The following CNTNAP4 variants were observed in gnomAD, a reference collection of about 807,000 sequenced individuals.
The protein encoded by CNTNAP4 is contactin associated protein family member 4.
A neutral mutation model predicts 148.4 loss-of-function variants in CNTNAP4; 98 were observed. The ratio of observed to expected loss-of-function variants is 0.66; its 90% confidence interval spans 0.56 to 0.78. The LOEUF is 0.78. CNTNAP4 is among the 30% of genes least tolerant of loss of function. The pLI is 0.00. For synonymous variants in CNTNAP4, 730 were observed against 565.1 expected, an observed-to-expected ratio of 1.29 and a Z score of -4.14; for missense variants, 1,935 against 1,565.6, an observed-to-expected ratio of 1.24 and a Z score of -3.98.
At chr16:76,304,784 T>C (rs1013018025) in intron 1 of CNTNAP4, among the ~76,000 whole-genome samples, 2 of 152,178 alleles carry the variant, frequency 1.3e-5, no homozygotes, top group African/African-American at 4.8e-5. Context: ...TGTTTGGTTC[T>C]GCAATTACAG....
rs367908885 is a variant in CNTNAP4, at chr16:76,355,487, A to G, written c.366A>G (p.Gln122=). Reference sequence around the variant, plus strand: ...GTGATAGTGGCTGGAACTGGAAACAATATCGCCAAGAGGACAGCATCTGGG... The same window carrying G: ...GTGATAGTGGCTGGAACTGGAAACAGTATCGCCAAGAGGACAGCATCTGGG... ...MFSDSGWNWK[Q]YRQEDSIWGF... is the part of the protein sequence containing the mutation. Residue 122 remains glutamine (Q), a synonymous_variant, in exon 3 of 24, where the codon CAA becomes CAG. Coordinates refer to ENST00000611870, the MANE Select transcript of CNTNAP4 (RefSeq NM_033401.5). 5.1e-5 allele frequency: 82 copies of G among 1,609,650 alleles called. No homozygotes were observed. Among genetic ancestry groups the G allele is most frequent in the South Asian group, 4.3e-4 (39 of 90,360 alleles).
At chr16:76,389,049 T>C (rs2016739706) in intron 3 of CNTNAP4, among the ~76,000 whole-genome samples, 2 of 152,230 alleles carry the variant, frequency 1.3e-5, no homozygotes, top group Non-Finnish European at 2.9e-5. Context: ...GTCATTATAA[T>C]ATAAAGAACA....
intron 1 of CNTNAP4, among the ~76,000 whole-genome samples, chr16:76,299,378 A>G (rs1430589324): frequency 6.6e-6 from 1 of 152,244 alleles, no homozygotes; most frequent in Non-Finnish European, 1.5e-5. Context: ...TATGCAGCCG[A>G]CAGACACATG....
rs75485239 is a variant in CNTNAP4 at position 76,383,663 on chromosome 16, A to G, written c.390+28152A>G. 1.2e-3 allele frequency among the ~76,000 whole-genome samples: 179 copies of G among 152,360 alleles called. 5 individuals carry two copies. In the East Asian group the frequency reaches 0.028, roughly 24 times the overall value. Reference sequence around the variant, plus strand: ...AGTCCACACAGGATGCTGATAATACAGAACTATTGTGAAATTTTAGATGTG... The same window carrying G: ...AGTCCACACAGGATGCTGATAATACGGAACTATTGTGAAATTTTAGATGTG... On this transcript the variant is annotated intron_variant, in intron 3 of 23. Transcript: ENST00000611870.
At chr16:76,507,923 TCTTTTACCAAACC>T (rs1478438419) in intron 15 of CNTNAP4, among the ~76,000 whole-genome samples, 2 of 97,512 alleles carry the variant, frequency 2.1e-5, no homozygotes, top group African/African-American at 5.1e-5. Flanking sequence ...TCTCCCTAAT[TCTTTTACCAAACC>T]CTTTCACACT....
intron 21 of CNTNAP4, among the ~76,000 whole-genome samples, chr16:76,552,895 A>C (rs1171134126): frequency 1.3e-5 from 2 of 152,168 alleles, no homozygotes; most frequent in Non-Finnish European, 2.9e-5. Context: ...TGAAACCTGT[A>C]CTGAACTTGT....
intron 1 of CNTNAP4, among the ~76,000 whole-genome samples, chr16:76,282,222 T>G (rs1478769994): frequency 6.6e-6 from 1 of 152,066 alleles, no homozygotes; most frequent in South Asian, 2.1e-4. Flanking sequence ...TTTCCTTGTA[T>G]GTTTTTTCTT....
intron 15 of CNTNAP4, among the ~76,000 whole-genome samples, chr16:76,512,102 T>C (rs1210465891): frequency 6.6e-6 from 1 of 151,864 alleles, no homozygotes; most frequent in Non-Finnish European, 1.5e-5. Context: ...GTAGATGGTA[T>C]ACTCATGGAA....
chr16:76,489,929 C>A (rs1393787636), intron 13 of CNTNAP4, 46 bp downstream of exon 13: 1 of 1,268,860 alleles, frequency 7.9e-7, no homozygotes, highest in Non-Finnish European at 1.1e-6. Context: ...TCACATCATG[C>A]ACTTACTCAA....
In CNTNAP4 at chr16:76,277,402, C is replaced by A. The variant is rs1958515374; in HGVS notation, c.-261C>A. The A allele has an allele frequency of 2.4e-6, 1 of 416,076 alleles. No homozygotes were observed. The highest frequency in any genetic ancestry group is 4.3e-6 in the Non-Finnish European group (1 of 232,250). 25.8% of individuals were successfully genotyped at this position (416,076 alleles called of 1,614,324 possible). ...TGCTTGTTAGGAAAGATGCTGAGTG[C>A]TTTTCAGTGAGGAGTCAGGGAGGTG... On this transcript the variant is annotated 5_prime_UTR_variant, in exon 1 of 24. Coordinates refer to ENST00000611870, the MANE Select transcript of CNTNAP4 (RefSeq NM_033401.5).
chr16:76,329,842 C>A (rs1179207226), intron 2 of CNTNAP4, among the ~76,000 whole-genome samples: 1 of 152,144 alleles, frequency 6.6e-6, no homozygotes, highest in African/African-American at 2.4e-5. Context: ...ATAAAAATAT[C>A]TGACTGTATT....
chr16:76,460,773 AATATAT>A lies in CNTNAP4; in HGVS notation c.1334-1166_1334-1161del, dbSNP rs150425968. On this transcript the variant is annotated intron_variant, in intron 8 of 23. Transcript: ENST00000611870. ...TGTCTCAAAAAAAAAAAAAAAAAAA[AATATAT>A]ATATATATATATATATTTAGAATTG... Among the ~76,000 whole-genome samples the A allele has an allele frequency of 1.9e-3, 107 of 57,324 alleles. 6 individuals are homozygous for A. The highest frequency in any genetic ancestry group is 3.1e-3 in the East Asian group (6 of 1,966). 37.6% of individuals were successfully genotyped at this position (57,324 alleles called of 152,430 possible). A position where few individuals can be genotyped will look rare whatever the true frequency, so the allele number is the denominator to read the frequency against.
At chr16:76,502,080 A>G (rs1039759271) in intron 15 of CNTNAP4, among the ~76,000 whole-genome samples, 1 of 152,038 alleles carries the variant, frequency 6.6e-6, no homozygotes, top group Non-Finnish European at 1.5e-5. Context: ...AAAAAAAAAA[A>G]AGAATTTACA....
intron 2 of CNTNAP4, among the ~76,000 whole-genome samples, chr16:76,343,830 C>A (rs1406185899): frequency 6.6e-6 from 1 of 151,974 alleles, no homozygotes; most frequent in Non-Finnish European, 1.5e-5. Flanking sequence ...TGTTAGTCCC[C>A]GGCAAAAGTA....
chr16:76,521,317 C>G lies in CNTNAP4; in HGVS notation c.2536+7C>G. 6.3e-7 allele frequency: 1 copy of G among 1,592,308 alleles called. No individual in the cohort carries two copies. The highest frequency in any genetic ancestry group is 1.1e-5 in the South Asian group (1 of 87,218). ...ATACGGATAGAGCTTCGCTGTAAGTCTCCTTTTCCAGAGAAGTGTATGAGA... is the reference window on the plus strand; with the variant it reads ...ATACGGATAGAGCTTCGCTGTAAGTGTCCTTTTCCAGAGAAGTGTATGAGA... On this transcript the variant is annotated splice_region_variant and intron_variant, in intron 16 of 23. Transcript: ENST00000611870.
chr16:76,317,266 A>C (rs796565813), intron 2 of CNTNAP4, among the ~76,000 whole-genome samples: 89 of 109,234 alleles, frequency 8.1e-4, no homozygotes, highest in Admixed American at 4.4e-3. Context: ...AAAAAAAAAC[A>C]AAAAAAAAAA....
intron 1 of CNTNAP4, among the ~76,000 whole-genome samples, chr16:76,312,443 G>C (rs1961228406): frequency 6.6e-6 from 1 of 152,142 alleles, no homozygotes; most frequent in Non-Finnish European, 1.5e-5. Context: ...AAACTCAGGA[G>C]ACTCATGCTT....
chr16:76,395,534 T>C (rs897177539), intron 3 of CNTNAP4, among the ~76,000 whole-genome samples: 2 of 151,426 alleles, frequency 1.3e-5, no homozygotes, highest in Non-Finnish European at 2.9e-5. Flanking sequence ...AAAGTGCTGG[T>C]ATTACAGGCG....
intron 4 of CNTNAP4, among the ~76,000 whole-genome samples, chr16:76,442,582 G>T (rs2080087233): frequency 6.6e-6 from 1 of 152,074 alleles, no homozygotes; most frequent in Admixed American, 6.6e-5. Context: ...AAACAGTGGA[G>T]AAGGTCAAAA....
Sources: allele counts gnomAD v4.1 joint callset (sites outside exome capture counted in the v4.1 genomes callset), GRCh38; gene constraint gnomAD v4.1.1; transcripts MANE v1.5; gene names NCBI Gene and HGNC (gene_info 2026-07-23, HGNC 2026-07-21).